The following IRF2BP2 variants were observed in gnomAD, a reference collection of about 807,000 sequenced individuals.
IRF2BP2 encodes interferon regulatory factor 2-binding protein 2.
A neutral mutation model predicts 32.7 loss-of-function variants in IRF2BP2; 13 were observed. The observed-to-expected ratio is 0.40, with a 90% CI of 0.26 to 0.63. The LOEUF is 0.63. IRF2BP2 is among the 30% of genes least tolerant of loss of function. The pLI is 0.42. For synonymous variants in IRF2BP2, 555 were observed against 384.6 expected (o/e 1.44, Z -5.18); for missense variants, 980 against 830.6 (o/e 1.18, Z -2.21).
rs749581056 is a variant in IRF2BP2 at position 234,607,614 on chromosome 1, G to C, written c.1287C>G (p.Ile429Met). The part of the protein sequence containing the change: ...QNGQSPMAAL[I>M]LVADNAGGSH... ...TGCCCCCTGCATTGTCTGCTACTAA[G>C]ATCAGGGCTGCCATGGGGGACTGGC... is the stretch of plus-strand genomic sequence containing the variant. The change falls in exon 2 of 2, where the codon ATC becomes ATG. Residue 429 changes from isoleucine to methionine, a missense_variant. Ile to Met is a conservative substitution (Grantham distance 10). Transcript: ENST00000366609. 21 of 1,614,248 alleles carry C rather than the reference G, an allele frequency of 1.3e-5. No individual in the cohort carries two copies. Among genetic ancestry groups the C allele is most frequent in the Non-Finnish European group, 1.8e-5 (21 of 1,180,044 alleles).
Position 234,609,184 on chromosome 1 carries a change from G to A in IRF2BP2, c.311C>T (p.Pro104Leu), listed in dbSNP as rs1672269159. The A allele has an allele frequency of 3.1e-6, 4 of 1,297,060 alleles. No homozygotes were observed. The South Asian group carries it at 6.9e-5, about 22-fold the overall frequency. The allele number at this position is 1,297,060 out of a possible 1,614,324, so 80.3% of individuals were successfully genotyped here. Residue 104 changes from proline (P) to leucine (L), a missense_variant, in exon 1 of 2, where the codon CCC (proline) becomes CTC (leucine). Pro to Leu is a moderately conservative substitution (Grantham distance 98). Transcript: ENST00000366609. ...CTGCGGCGCGCGCGGGGCCGCCTCG[G>A]GGCCGCCGTGGCCAAGCTGCTGCTG... ...QQQQQLGHGG[P>L]EAAPRAPQAL...
At position 234,607,323 on chromosome 1, in the gene IRF2BP2, C is replaced by G. The variant is rs1335477095; in HGVS notation, c.1578G>C (p.Ser526=). 2 of 1,614,206 alleles carry G rather than the reference C, an allele frequency of 1.2e-6. No homozygotes were observed. Among genetic ancestry groups the G allele is most frequent in the South Asian group, 2.2e-5 (2 of 91,086 alleles). ...THFVQCPSVP[S]HKFCFPCSRQ... is the part of the protein sequence containing the mutation. ...TGGAGCAAGGGAAGCAGAACTTGTG[C>G]GAAGGGACGGACGGGCACTGCACAA... is the stretch of plus-strand genomic sequence containing the variant. Residue 526 remains serine, a synonymous_variant, in exon 2 of 2, where the codon TCG becomes TCC. Transcript: ENST00000366609.
chr1:234,609,856 CGCGCGG>C lies in IRF2BP2; in HGVS notation c.-368_-363del, dbSNP rs940600090. Among the ~76,000 whole-genome samples the C allele has an allele frequency of 2.1e-4, 29 of 140,148 alleles. No homozygotes were observed. The highest frequency in any genetic ancestry group is 1.3e-3 in the Admixed American group (19 of 14,348). 91.9% of individuals were successfully genotyped at this position (140,148 alleles called of 152,430 possible). On this transcript the variant is annotated 5_prime_UTR_variant, in exon 1 of 2. Coordinates refer to ENST00000366609, the MANE Select transcript of IRF2BP2 (RefSeq NM_182972.3). ...CCTCCAGACCGGGGCGAAGACGGGC[CGCGCGG>C]GCGCGGGGGAGCGCAGCAGGTCGCG...
rs751617040 is a variant in IRF2BP2, at chr1:234,609,237, G to A, written c.258C>T (p.Leu86=). The change falls in exon 1 of 2, where the codon CTC becomes CTT. Residue 86 remains leucine, a synonymous_variant. Transcript: ENST00000366609. ...AASAAAKPPP[L]SAKDILLQQQ... Reference sequence around the variant, plus strand: ...GCTGCAAAAGGATGTCCTTGGCGGAGAGCGGCGGCGGCTTGGCGGCGGCCG... The same window carrying A: ...GCTGCAAAAGGATGTCCTTGGCGGAAAGCGGCGGCGGCTTGGCGGCGGCCG... 74 of 1,358,730 alleles carry A rather than the reference G, an allele frequency of 5.4e-5. No homozygotes were observed. The South Asian group carries it at 8.5e-4, about 16-fold the overall frequency. 84.2% of individuals were successfully genotyped at this position (1,358,730 alleles called of 1,614,324 possible).
At chr1:234,608,080 G>A (rs1304076456) in intron 1 of IRF2BP2, 12 of 560,328 alleles carry the variant, frequency 2.1e-5, no homozygotes, top group East Asian at 1.7e-4. Flanking sequence ...CACTGAAAAT[G>A]ACACGCTTGT....
rs202237154 is a variant in IRF2BP2 at position 234,608,493 on chromosome 1, G to A, written c.1002C>T (p.Gly334=). 4.2e-5 allele frequency: 68 copies of A among 1,606,702 alleles called. No individual in the cohort carries two copies. The highest frequency in any genetic ancestry group is 2.2e-5 in the East Asian group (1 of 44,584). ...CGTTGGCCTCGAAACCCAACAACCT[G>A]CCTGCAGTCAGGGCCGGCTCCTTCT... ...KFKKEPALTA[G]RLLGFEANGA... Residue 334 remains glycine (G), a synonymous_variant, in exon 1 of 2, where the codon GGC becomes GGT. Coordinates refer to ENST00000366609, the MANE Select transcript of IRF2BP2 (RefSeq NM_182972.3).
At chr1:234,608,123 C>A in intron 1 of IRF2BP2, 2 of 540,618 alleles carry the variant, frequency 3.7e-6, no homozygotes, top group Non-Finnish European at 6.5e-6. Flanking sequence ...ACAAAAGTAC[C>A]CTCGTTTGCA....
chr1:234,606,909 T>C lies in IRF2BP2; in HGVS notation c.*228A>G, dbSNP rs993329208. The C allele has an allele frequency of 1.5e-5, 6 of 408,746 alleles. No homozygotes were observed. Among genetic ancestry groups the C allele is most frequent in the African/African-American group, 8.0e-5 (4 of 49,804 alleles). The allele number at this position is 408,746 out of a possible 1,614,324, so 25.3% of individuals were successfully genotyped here. Reference sequence around the variant, plus strand: ...TCACCAGGATAATAAAGCACAAAGATATGCTAATAACGTTAACAAAAGAAA... The same window carrying C: ...TCACCAGGATAATAAAGCACAAAGACATGCTAATAACGTTAACAAAAGAAA... On this transcript the variant is annotated 3_prime_UTR_variant, in exon 2 of 2. Coordinates refer to ENST00000366609, the MANE Select transcript of IRF2BP2 (RefSeq NM_182972.3).
chr1:234,607,904 T>C (rs767598499), intron 1 of IRF2BP2, 52 bp from the exon 2 acceptor site: 1 of 1,362,234 alleles, frequency 7.3e-7, no homozygotes, highest in Non-Finnish European at 1.0e-6. Context: ...GGCGGTGCAC[T>C]GAAAGAGATC....
rs1346109188 is a variant in IRF2BP2, at chr1:234,607,489, G to C, written c.1412C>G (p.Pro471Arg). Residue 471 changes from proline to arginine, a missense_variant, in exon 2 of 2, where the codon CCC (proline) becomes CGC (arginine). Pro to Arg is a moderately radical substitution (Grantham distance 103). Coordinates refer to ENST00000366609, the MANE Select transcript of IRF2BP2 (RefSeq NM_182972.3). The part of the protein sequence containing the change: ...PSSMNQRRLG[P>R]REVGGQGAGN... ...TGCTCCCTGGCCCCCCACCTCTCTG[G>C]GGCCCAGCCTTCTTTGGTTCATAGA... 1 of 1,613,996 alleles carries C rather than the reference G, an allele frequency of 6.2e-7. No individual in the cohort carries two copies. The highest frequency in any genetic ancestry group is 8.5e-7 in the Non-Finnish European group (1 of 1,179,972).
Position 234,608,712 on chromosome 1 carries a change from C to T in IRF2BP2, c.783G>A (p.Pro261=), listed in dbSNP as rs772480347. ...QREAAAKEKQ[P]PPPAHRGPAD... Reference sequence around the variant, plus strand: ...CCGGGCCCCGGTGCGCAGGCGGCGGCGGTTGTTTCTCCTTGGCTGCCGCCT... The same window carrying T: ...CCGGGCCCCGGTGCGCAGGCGGCGGTGGTTGTTTCTCCTTGGCTGCCGCCT... Residue 261 remains proline, a synonymous_variant, in exon 1 of 2, where the codon CCG becomes CCA. Coordinates refer to ENST00000366609, the MANE Select transcript of IRF2BP2 (RefSeq NM_182972.3). 2.5e-5 allele frequency: 37 copies of T among 1,504,276 alleles called. No individual in the cohort carries two copies. Among genetic ancestry groups the T allele is most frequent in the Non-Finnish European group, 3.3e-5 (37 of 1,136,980 alleles). The allele number at this position is 1,504,276 out of a possible 1,614,324, so 93.2% of individuals were successfully genotyped here.
Position 234,605,706 on chromosome 1 carries a change from T to C in IRF2BP2, c.*1431A>G, listed in dbSNP as rs1229771322. Reference sequence around the variant, plus strand: ...GTAAGGATTTAAAATAGTGTTCCTGTCAATGTTAAATCATAACAGCACAAA... The same window carrying C: ...GTAAGGATTTAAAATAGTGTTCCTGCCAATGTTAAATCATAACAGCACAAA... On this transcript the variant is annotated 3_prime_UTR_variant, in exon 2 of 2. Transcript: ENST00000366609. The C allele has an allele frequency of 6.6e-6, 1 of 152,218 alleles. No individual in the cohort carries two copies. Among genetic ancestry groups the C allele is most frequent in the Non-Finnish European group, 1.5e-5 (1 of 68,036 alleles). 9.4% of individuals were successfully genotyped at this position (152,218 alleles called of 1,614,324 possible).
At position 234,607,561 on chromosome 1, in the gene IRF2BP2, A is replaced by C; in HGVS notation, c.1340T>G (p.Val447Gly). The C allele has an allele frequency of 1.2e-6, 2 of 1,614,146 alleles. No individual in the cohort carries two copies. Among genetic ancestry groups the C allele is most frequent in the Non-Finnish European group, 1.7e-6 (2 of 1,180,012 alleles). The change falls in exon 2 of 2, where the codon GTT becomes GGT. Residue 447 changes from valine (V) to glycine (G), a missense_variant. Physicochemically the swap from Val to Gly is moderately radical, Grantham distance 109 (BLOSUM62 -3). Transcript: ENST00000366609. ...GCTATTCCTCCTGGTAGTGGAGTGA[A>C]CCTGGTTGGCATCTTTTGAGGCATG... ...GSHASKDANQ[V>G]HSTTRRNSNS... is the part of the protein sequence containing the mutation.
rs1059429 is a variant in IRF2BP2, at chr1:234,607,782, G to A, written c.1119C>T (p.Asn373=). ...PEGEVGPPKI[N]GEAQPWLSTS... ...TGGACAGCCACGGCTGGGCCTCTCC[G>A]TTGATCTTAGGGGGCCCGACTTCAC... The change falls in exon 2 of 2, where the codon AAC becomes AAT. Residue 373 remains asparagine, a synonymous_variant. Transcript: ENST00000366609. The A allele has an allele frequency of 0.021, 34,685 of 1,613,254 alleles. 6,165 individuals carry two copies. In the African/African-American group the frequency reaches 0.4, roughly 19 times the overall value.
Position 234,608,873 on chromosome 1 carries a change from GGCC to G in IRF2BP2, c.619_621del (p.Gly207del), listed in dbSNP as rs1327903818. On this transcript the variant is annotated inframe_deletion, in exon 1 of 2. Transcript: ENST00000366609. ...ACCGCGGCTAAGGAGGCGGCAGCGC[GGCC>G]GCCGAGGCCGAGCGCGGTGGGCAGC... 25 of 1,316,666 alleles carry G rather than the reference GGCC, an allele frequency of 1.9e-5. No individual in the cohort carries two copies. The highest frequency in any genetic ancestry group is 2.4e-5 in the Non-Finnish European group (25 of 1,042,460). The allele number at this position is 1,316,666 out of a possible 1,614,324, so 81.6% of individuals were successfully genotyped here. A position where few individuals can be genotyped will look rare whatever the true frequency, so the allele number is the denominator to read the frequency against.
At position 234,607,629 on chromosome 1, in the gene IRF2BP2, G is replaced by A. The variant is rs772478669; in HGVS notation, c.1272C>T (p.Pro424=). The change falls in exon 2 of 2, where the codon CCC becomes CCT. Residue 424 remains proline, a synonymous_variant. Coordinates refer to ENST00000366609, the MANE Select transcript of IRF2BP2 (RefSeq NM_182972.3). ...PPEAAQNGQS[P]MAALILVADN... is the part of the protein sequence containing the mutation. ...CTGCTACTAAGATCAGGGCTGCCAT[G>A]GGGGACTGGCCATTCTGGGCCGCTT... The A allele has an allele frequency of 5.8e-5, 93 of 1,614,232 alleles. No individual in the cohort carries two copies. The highest frequency in any genetic ancestry group is 5.0e-5 in the Admixed American group (3 of 60,030).
chr1:234,605,681 G>C lies in IRF2BP2; in HGVS notation c.*1456C>G, dbSNP rs1030817295. ...AAGGCCAAGTTACAAACACCTGAAC[G>C]TAAGGATTTAAAATAGTGTTCCTGT... On this transcript the variant is annotated 3_prime_UTR_variant, in exon 2 of 2. Coordinates refer to ENST00000366609, the MANE Select transcript of IRF2BP2 (RefSeq NM_182972.3). 1 of 152,130 alleles carries C rather than the reference G, an allele frequency of 6.6e-6. No homozygotes were observed. The highest frequency in any genetic ancestry group is 1.5e-5 in the Non-Finnish European group (1 of 68,020). The allele number at this position is 152,130 out of a possible 1,614,324, so 9.4% of individuals were successfully genotyped here. A position where few individuals can be genotyped will look rare whatever the true frequency, so the allele number is the denominator to read the frequency against.
chr1:234,609,534 G>A lies in IRF2BP2; in HGVS notation c.-40C>T, dbSNP rs777218468. ...CGACGCCGGAGGAGGAGGCGGAGGA[G>A]GAGGAGGGGGCGCCGCCGCCGCCCC... On this transcript the variant is annotated 5_prime_UTR_variant, in exon 1 of 2. Transcript: ENST00000366609. 2.5e-5 allele frequency: 32 copies of A among 1,286,178 alleles called. No homozygotes were observed. The highest frequency in any genetic ancestry group is 7.3e-5 in the Admixed American group (2 of 27,518). 79.7% of individuals were successfully genotyped at this position (1,286,178 alleles called of 1,614,324 possible). A position where few individuals can be genotyped will look rare whatever the true frequency, so the allele number is the denominator to read the frequency against.
Position 234,609,375 on chromosome 1 carries a change from G to A in IRF2BP2, c.120C>T (p.Cys40=), listed in dbSNP as rs1254125691. ...WDFTEPVCRG[C]VNYEGADRVE... is the part of the protein sequence containing the mutation. ...CGCGGTCGGCGCCCTCGTAGTTGAC[G>A]CAGCCGCGGCAGACGGGTTCGGTGA... Residue 40 remains cysteine (C), a synonymous_variant, in exon 1 of 2, where the codon TGC becomes TGT. Transcript: ENST00000366609. The A allele has an allele frequency of 3.2e-6, 5 of 1,554,836 alleles. No individual in the cohort carries two copies. The highest frequency in any genetic ancestry group is 1.8e-4 in the Middle Eastern group (1 of 5,492).
Sources: allele counts gnomAD v4.1 joint callset (sites outside exome capture counted in the v4.1 genomes callset), GRCh38; gene constraint gnomAD v4.1.1; transcripts MANE v1.5; gene names NCBI Gene and HGNC (gene_info 2026-07-23, HGNC 2026-07-21).